Variants in DOCK8 observed in about 807,000 individuals in gnomAD.
The protein encoded by DOCK8 is dedicator of cytokinesis protein 8.
Under a neutral mutation model 245.6 loss-of-function variants are expected in DOCK8, and 141 were observed. The observed-to-expected ratio is 0.57, with a 90% CI of 0.50 to 0.66. DOCK8 has a LOEUF of 0.66. DOCK8 is among the 30% of genes least tolerant of loss of function. The pLI is 0.00. For synonymous variants in DOCK8, 1,168 were observed against 970.2 expected (o/e 1.20, Z -3.79); for missense variants, 2,965 against 2,603.4 (o/e 1.14, Z -3.02).
chr9:437,954 C>T (rs1180127379), intron 39 of DOCK8, among the ~76,000 whole-genome samples: 1 of 152,214 alleles, frequency 6.6e-6, no homozygotes, highest in Non-Finnish European at 1.5e-5. Flanking sequence ...AAATTGCATA[C>T]ATTCTAATAG....
intron 5 of DOCK8, among the ~76,000 whole-genome samples, chr9:309,193 T>C (rs917558081): frequency 6.6e-6 from 1 of 152,244 alleles, no homozygotes; most frequent in South Asian, 2.1e-4. Context: ...TTTTTACTTA[T>C]ATGTATCTTG....
chr9:420,109 C>A, intron 30 of DOCK8: 1 of 466,742 alleles, frequency 2.1e-6, no homozygotes, highest in South Asian at 2.1e-5. Context: ...GGGGTGATCA[C>A]CAGGCCACAC....
chr9:330,152 C>T (rs1355780974), intron 9 of DOCK8, among the ~76,000 whole-genome samples: 1 of 152,034 alleles, frequency 6.6e-6, no homozygotes, highest in Non-Finnish European at 1.5e-5. Flanking sequence ...TATAATACGG[C>T]TTTAAGGGAT....
At chr9:290,208 C>G (rs2048980583) in intron 4 of DOCK8, among the ~76,000 whole-genome samples, 1 of 152,084 alleles carries the variant, frequency 6.6e-6, no homozygotes, top group Admixed American at 6.6e-5. Context: ...CAACATGGAG[C>G]CCAGGATGGC....
At position 343,320 on chromosome 9, in the gene DOCK8, C is replaced by T. The variant is rs978903291; in HGVS notation, c.1679+2999C>T. On this transcript the variant is annotated intron_variant, in intron 14 of 47. Transcript: ENST00000432829. The stretch of plus-strand genomic sequence containing the variant: ...TCAGCCCGGGCAACATAGTGAGACC[C>T]CCATCTCTACAAAACATTTTAAAAA... 6.6e-5 allele frequency among the ~76,000 whole-genome samples: 10 copies of T among 151,902 alleles called. 1 individual carries two copies. The highest frequency in any genetic ancestry group is 2.2e-4 in the African/African-American group (9 of 41,338).
intron 14 of DOCK8, among the ~76,000 whole-genome samples, chr9:341,369 G>A (rs1484213075): frequency 6.6e-6 from 1 of 152,182 alleles, no homozygotes; most frequent in African/African-American, 2.4e-5. Context: ...AGGCATTAAT[G>A]CTCATGCACT....
intron 39 of DOCK8, 144 bp from the exon 40 acceptor site, chr9:439,101 C>T (rs984451443): frequency 2.0e-6 from 2 of 1,024,818 alleles, no homozygotes; most frequent in Admixed American, 1.8e-5. Flanking sequence ...CAGATACTCT[C>T]GGGGTAGAAT....
chr9:359,526 A>T (rs1309097092), intron 14 of DOCK8, among the ~76,000 whole-genome samples: 1 of 152,248 alleles, frequency 6.6e-6, no homozygotes, highest in Admixed American at 6.5e-5. Context: ...TGATAAAATC[A>T]TCTCCTCAGC....
chr9:305,905 A>G (rs943415789), intron 5 of DOCK8, among the ~76,000 whole-genome samples: 1 of 152,166 alleles, frequency 6.6e-6, no homozygotes, highest in Non-Finnish European at 1.5e-5. Context: ...GAATGGATAA[A>G]CAAAATGTGG....
intron 6 of DOCK8, chr9:314,315 G>A (rs1376928598): frequency 6.6e-6 from 1 of 152,202 alleles, no homozygotes; most frequent in African/African-American, 2.4e-5. Context: ...ATGCCAACAT[G>A]TAATAGAGGG....
chr9:278,731 C>T (rs2048456479), intron 2 of DOCK8, among the ~76,000 whole-genome samples: 1 of 152,154 alleles, frequency 6.6e-6, no homozygotes, highest in Non-Finnish European at 1.5e-5. Flanking sequence ...CCCAAAACTT[C>T]AATAAGTGAC....
At chr9:237,638 G>C (rs919852622) in intron 1 of DOCK8, among the ~76,000 whole-genome samples, 2 of 152,160 alleles carry the variant, frequency 1.3e-5, no homozygotes, top group Admixed American at 6.5e-5. Context: ...CTGGGTGACA[G>C]AGCAAGACCC....
chr9:244,208 A>G (rs1563835631), intron 1 of DOCK8, among the ~76,000 whole-genome samples: 1 of 147,978 alleles, frequency 6.8e-6, no homozygotes, highest in Non-Finnish European at 1.5e-5. Flanking sequence ...AAAAAAAAAA[A>G]ATTTTAGCTC....
intron 20 of DOCK8, among the ~76,000 whole-genome samples, chr9:378,854 G>T (rs1007495325): frequency 6.6e-6 from 1 of 152,232 alleles, no homozygotes; most frequent in Non-Finnish European, 1.5e-5. Flanking sequence ...TGTGAGAAAT[G>T]CACTTCGCAT....
In DOCK8 at chr9:446,505, C is replaced by T. The variant is rs1163328942; in HGVS notation, c.5716C>T (p.Arg1906Trp). 5.6e-6 allele frequency: 9 copies of T among 1,614,198 alleles called. No individual in the cohort carries two copies. The highest frequency in any genetic ancestry group is 7.6e-6 in the Non-Finnish European group (9 of 1,180,014). ...CCCGTTCACCCTGGAGGGGCGGCCT[C>T]GGGGAGAGCTGCATGAGCAGTACAG... ...TTPFTLEGRP[R>W]GELHEQYRRN... Residue 1906 changes from arginine to tryptophan, a missense_variant, in exon 44 of 48, where the codon CGG becomes TGG. Physicochemically the swap from Arg to Trp is moderately radical, Grantham distance 101. Coordinates refer to ENST00000432829, the MANE Select transcript of DOCK8 (RefSeq NM_203447.4).
intron 14 of DOCK8, among the ~76,000 whole-genome samples, chr9:357,587 A>ATTTTTTTTTTTTTTTTTT (rs112232586): frequency 1.4e-5 from 2 of 147,382 alleles, no homozygotes; most frequent in African/African-American, 5.0e-5. Flanking sequence ...ATTTGATACC[A>ATTTTTTTTTTTTTTTTTT]TTTTTTTTTT....
At chr9:450,434 C>G (rs1018347803) in intron 45 of DOCK8, among the ~76,000 whole-genome samples, 1 of 152,162 alleles carries the variant, frequency 6.6e-6, no homozygotes, top group Non-Finnish European at 1.5e-5. Context: ...CTACTTCAGA[C>G]AAGACTAGAT....
chr9:421,205 G>A, intron 32 of DOCK8, 127 bp downstream of exon 32: 1 of 1,303,408 alleles, frequency 7.7e-7, no homozygotes, highest in Non-Finnish European at 1.1e-6. Flanking sequence ...GTCAGAGACA[G>A]CGGATTCTGG....
intron 40 of DOCK8, 116 bp downstream of exon 40, chr9:439,504 C>G: frequency 7.1e-7 from 1 of 1,410,762 alleles, no homozygotes; most frequent in African/African-American, 1.4e-5. Context: ...GGACACGTGC[C>G]AGGGTGTGCG....
Sources: allele counts gnomAD v4.1 joint callset (sites outside exome capture counted in the v4.1 genomes callset), GRCh38; gene constraint gnomAD v4.1.1; transcripts MANE v1.5; gene names NCBI Gene and HGNC (gene_info 2026-07-23, HGNC 2026-07-21).